Variants in SFXN4 observed in about 807,000 individuals in gnomAD.
SFXN4 encodes sideroflexin 4.
Under a neutral mutation model 54.6 loss-of-function variants are expected in SFXN4, and 48 were observed. The ratio of observed to expected loss-of-function variants is 0.88; its 90% CI spans 0.70 to 1.12. SFXN4 has a LOEUF of 1.12. Among genes scored for constraint, SFXN4 ranks in the 50% most tolerant of loss-of-function variants. The pLI is 0.00. For missense variants in SFXN4, 383 were observed against 409.2 expected (o/e 0.94, Z 0.55); for synonymous variants, 130 against 145.5 (o/e 0.89, Z 0.77).
In SFXN4 at chr10:119,161,436, A is replaced by AC. The variant is rs1554888748; in HGVS notation, c.253-356dup. Among the ~76,000 whole-genome samples the AC allele has an allele frequency of 2.9e-3, 339 of 118,482 alleles. 1 individual carries two copies. Among genetic ancestry groups the AC allele is most frequent in the South Asian group, 4.2e-3 (14 of 3,356 alleles). 77.7% of individuals were successfully genotyped at this position (118,482 alleles called of 152,430 possible). A position where few individuals can be genotyped will look rare whatever the true frequency, so the allele number is the denominator to read the frequency against. The stretch of plus-strand genomic sequence containing the variant: ...AAAACAACAACAACAACAAAAAAAA[A>AC]CAAAAAAAAAAAAAAAGCTTTTAAA... On this transcript the variant is annotated intron_variant, in intron 3 of 13. Coordinates refer to ENST00000355697, the MANE Select transcript of SFXN4 (RefSeq NM_213649.2).
rs758812480 is a variant in SFXN4 at position 119,155,017 on chromosome 10, C to G, written c.732+45G>C. On this transcript the variant is annotated intron_variant, in intron 11 of 13. Coordinates refer to ENST00000355697, the MANE Select transcript of SFXN4 (RefSeq NM_213649.2). The stretch of plus-strand genomic sequence containing the variant: ...CGGCTTTCAAACAGAAAAGTCTAGT[C>G]GTTGCCCAAAAGGCAAGCAGCTATA... The G allele has an allele frequency of 3.0e-6, 4 of 1,347,974 alleles. No individual in the cohort carries two copies. In the South Asian group the frequency reaches 4.8e-5, roughly 16 times the overall value. The allele number at this position is 1,347,974 out of a possible 1,614,324, so 83.5% of individuals were successfully genotyped here. A position where few individuals can be genotyped will look rare whatever the true frequency, so the allele number is the denominator to read the frequency against.
intron 11 of SFXN4, among the ~76,000 whole-genome samples, chr10:119,150,168 C>T (rs529572857): frequency 1.4e-3 from 212 of 151,980 alleles, no homozygotes; most frequent in Non-Finnish European, 2.5e-3. Context: ...TTAAAGTAGA[C>T]CAGTAAAGCT....
At position 119,147,804 on chromosome 10, in the gene SFXN4, A is replaced by C. The variant is rs757885549; in HGVS notation, c.789T>G (p.Ile263Met). 38 of 1,614,028 alleles carry C rather than the reference A, an allele frequency of 2.4e-5. No homozygotes were observed. Among genetic ancestry groups the C allele is most frequent in the Non-Finnish European group, 3.2e-5 (38 of 1,179,982 alleles). ...RIVLFGTSALIPEVFTYFFKR... is the reference protein window; with the variant it reads ...RIVLFGTSALMPEVFTYFFKR... Reference sequence around the variant, plus strand: ...TAAAAAAGTAGGTGAAGACTTCAGGAATCAGAGCTGAGGTCCCAAACAGCA... The same window carrying C: ...TAAAAAAGTAGGTGAAGACTTCAGGCATCAGAGCTGAGGTCCCAAACAGCA... Residue 263 changes from isoleucine to methionine, a missense_variant, in exon 12 of 14, where the codon ATT becomes ATG. By Grantham distance (10) the Ile-to-Met change is conservative. Coordinates refer to ENST00000355697, the MANE Select transcript of SFXN4 (RefSeq NM_213649.2).
chr10:119,145,440 G>T (rs528085120), intron 13 of SFXN4, among the ~76,000 whole-genome samples: 1 of 149,726 alleles, frequency 6.7e-6, no homozygotes, highest in Non-Finnish European at 1.5e-5. Context: ...TCAGCCTCCC[G>T]AGTAGCTGAG....
chr10:119,165,035 T>C (rs1432544718), intron 1 of SFXN4, among the ~76,000 whole-genome samples: 3 of 148,004 alleles, frequency 2.0e-5, no homozygotes, highest in Non-Finnish European at 4.5e-5. Context: ...GTTTTTATCT[T>C]GTTTAATGTG....
At chr10:119,141,366 G>GC in intron 13 of SFXN4, 47 bp from the exon 14 acceptor site, 1 of 1,191,960 alleles carries the variant, frequency 8.4e-7, no homozygotes, top group Admixed American at 2.2e-5. Context: ...AGTTTTTCTT[G>GC]CCTTAGAAGC....
intron 3 of SFXN4, 195 bp downstream of exon 3, chr10:119,162,145 T>C: frequency 1.8e-6 from 1 of 555,060 alleles, no homozygotes; most frequent in Non-Finnish European, 3.2e-6. Flanking sequence ...TAACCCAGTT[T>C]TGCAAAGCTG....
At chr10:119,144,841 T>C (rs1261736693) in intron 13 of SFXN4, among the ~76,000 whole-genome samples, 5 of 152,174 alleles carry the variant, frequency 3.3e-5, no homozygotes, top group Admixed American at 3.3e-4. Flanking sequence ...TCTCCTGAAG[T>C]GCTCAGTAGC....
intron 1 of SFXN4, 60 bp from the exon 2 acceptor site, chr10:119,164,256 A>C: frequency 1.0e-6 from 1 of 977,992 alleles, no homozygotes; most frequent in African/African-American, 1.8e-5. Flanking sequence ...AGATATAAAT[A>C]CTAACAGTTG....
chr10:119,160,281 G>A (rs1161379427), intron 5 of SFXN4, among the ~76,000 whole-genome samples: 1 of 152,132 alleles, frequency 6.6e-6, no homozygotes, highest in African/African-American at 2.4e-5. Flanking sequence ...GGCCAAGTGG[G>A]CGGATCAGAA....
intron 2 of SFXN4, 66 bp downstream of exon 2, chr10:119,164,061 AAAAG>A: frequency 4.5e-6 from 4 of 892,794 alleles, no homozygotes; most frequent in South Asian, 3.0e-5. Flanking sequence ...AAAAAAAAAA[AAAAG>A]GGACACACAG....
chr10:119,164,173 T>C lies in SFXN4; in HGVS notation c.135A>G (p.Gln45=). The change falls in exon 2 of 14, where the codon CAA becomes CAG. Residue 45 remains glutamine (Q), a synonymous_variant. Transcript: ENST00000355697. ...TTGTAGGATCTAATAATTCTGTCCA[T>C]TGAAGAAATCGTCGAATAAAGGACT... is the stretch of plus-strand genomic sequence containing the variant. The part of the protein sequence containing the change: ...ERQSFIRRFL[Q]WTELLDPTNV... 6.3e-7 allele frequency: 1 copy of C among 1,596,220 alleles called. No homozygotes were observed. The highest frequency in any genetic ancestry group is 8.5e-7 in the Non-Finnish European group (1 of 1,170,344).
chr10:119,147,809 G>C lies in SFXN4; in HGVS notation c.784C>G (p.Leu262Val). 1 of 1,614,154 alleles carries C rather than the reference G, an allele frequency of 6.2e-7. No homozygotes were observed. The highest frequency in any genetic ancestry group is 8.5e-7 in the Non-Finnish European group (1 of 1,179,980). ...SRIVLFGTSA[L>V]IPEVFTYFFK... ...AAGTAGGTGAAGACTTCAGGAATCAGAGCTGAGGTCCCAAACAGCACTATT... is the reference window on the plus strand; with the variant it reads ...AAGTAGGTGAAGACTTCAGGAATCACAGCTGAGGTCCCAAACAGCACTATT... The change falls in exon 12 of 14, where the codon CTG (leucine) becomes GTG (valine). Residue 262 changes from leucine (L) to valine (V), a missense_variant. Coordinates refer to ENST00000355697, the MANE Select transcript of SFXN4 (RefSeq NM_213649.2).
At chr10:119,148,104 G>C (rs775905864) in intron 11 of SFXN4, among the ~76,000 whole-genome samples, 1 of 151,998 alleles carries the variant, frequency 6.6e-6, no homozygotes, top group Non-Finnish European at 1.5e-5. Context: ...CCTGAGAGGC[G>C]GATTTTGCAG....
intron 13 of SFXN4, among the ~76,000 whole-genome samples, chr10:119,144,074 G>C (rs1037707038): frequency 2.0e-5 from 3 of 152,140 alleles, no homozygotes; most frequent in African/African-American, 7.2e-5. Flanking sequence ...CGTGGGTTCT[G>C]AACAAGATCA....
At position 119,146,117 on chromosome 10, in the gene SFXN4, C is replaced by T. The variant is rs868787753; in HGVS notation, c.936+119G>A. The T allele has an allele frequency of 1.1e-5, 7 of 625,358 alleles. No individual in the cohort carries two copies. The Middle Eastern group carries it at 1.9e-3, about 168-fold the overall frequency. 38.7% of individuals were successfully genotyped at this position (625,358 alleles called of 1,614,324 possible). Reference sequence around the variant, plus strand: ...CTGGGATTACAGGTGTGAGCCACTGCACCTGGTCTTATTTTATATTTTTAT... The same window carrying T: ...CTGGGATTACAGGTGTGAGCCACTGTACCTGGTCTTATTTTATATTTTTAT... On this transcript the variant is annotated intron_variant, in intron 13 of 13. Transcript: ENST00000355697.
chr10:119,165,702 G>A lies in SFXN4; in HGVS notation c.-55C>T. Reference sequence around the variant, plus strand: ...CAGGCCGCGCGTGGAGGAGGAGCCGGGCGGCGAGCCCCGCCCCGGGCCGCG... The same window carrying A: ...CAGGCCGCGCGTGGAGGAGGAGCCGAGCGGCGAGCCCCGCCCCGGGCCGCG... On this transcript the variant is annotated 5_prime_UTR_variant, in exon 1 of 14. Coordinates refer to ENST00000355697, the MANE Select transcript of SFXN4 (RefSeq NM_213649.2). 7.3e-7 allele frequency: 1 copy of A among 1,372,716 alleles called. No homozygotes were observed. Among genetic ancestry groups the A allele is most frequent in the Non-Finnish European group, 9.5e-7 (1 of 1,048,054 alleles). 85.0% of individuals were successfully genotyped at this position (1,372,716 alleles called of 1,614,324 possible). A position where few individuals can be genotyped will look rare whatever the true frequency, so the allele number is the denominator to read the frequency against.
At chr10:119,148,664 C>T (rs528883657) in intron 11 of SFXN4, among the ~76,000 whole-genome samples, 70 of 152,150 alleles carry the variant, frequency 4.6e-4, no homozygotes, top group Middle Eastern at 3.4e-3. Context: ...CGTTTCACAG[C>T]GAATTAAAAG....
At chr10:119,159,153 G>T (rs1847408668) in intron 6 of SFXN4, among the ~76,000 whole-genome samples, 1 of 151,278 alleles carries the variant, frequency 6.6e-6, no homozygotes, top group African/African-American at 2.4e-5. Flanking sequence ...GGTGGTGAGC[G>T]CCTGTAATCC....
Sources: gnomAD v4.1 joint callset for allele counts (sites outside exome capture counted in the v4.1 genomes callset) on GRCh38, gnomAD v4.1.1 for gene constraint, MANE v1.5 for transcripts, NCBI Gene and HGNC (gene_info 2026-07-23, HGNC 2026-07-21) for gene names.